KLHL29: variants seen among roughly 807,000 people sequenced by gnomAD.
The protein encoded by KLHL29 is kelch-like protein 29.
KLHL29 carries 21 observed loss-of-function variants against 80.4 expected under a neutral mutation model. The ratio of observed to expected loss-of-function variants is 0.26; its 90% CI spans 0.19 to 0.38. The LOEUF (loss-of-function observed/expected upper bound fraction) is 0.38, where lower values mean the gene tolerates loss of function less well. KLHL29 is among the 10% of genes least tolerant of loss of function. The pLI is 1.00. For missense variants in KLHL29, 867 were observed against 1,223.9 expected (o/e 0.71, Z 4.35); for synonymous variants, 511 against 526.8 (o/e 0.97, Z 0.41).
At chr2:23,428,264 G>A (rs1329759791) in intron 1 of KLHL29, among the ~76,000 whole-genome samples, 1 of 152,336 alleles carries the variant, frequency 6.6e-6, no homozygotes, top group African/African-American at 2.4e-5. Context: ...GAGTCACTCT[G>A]CGGCAAGTGG....
intron 1 of KLHL29, among the ~76,000 whole-genome samples, chr2:23,399,487 A>G (rs1666535511): frequency 6.6e-6 from 1 of 152,214 alleles, no homozygotes; most frequent in African/African-American, 2.4e-5. Context: ...CTAGGAAAAA[A>G]ATGTGTTTTA....
intron 2 of KLHL29, among the ~76,000 whole-genome samples, chr2:23,541,777 A>C (rs934857248): frequency 4.0e-5 from 6 of 151,846 alleles, no homozygotes; most frequent in South Asian, 2.1e-4. Flanking sequence ...AAAAACAAAA[A>C]AAAAAAAACC....
chr2:23,417,553 A>G (rs1472439628), intron 1 of KLHL29, among the ~76,000 whole-genome samples: 1 of 152,196 alleles, frequency 6.6e-6, no homozygotes, highest in East Asian at 1.9e-4. Flanking sequence ...TTCCTGATGG[A>G]GACACTGAAG....
chr2:23,426,416 C>A (rs1018707769), intron 1 of KLHL29, among the ~76,000 whole-genome samples: 7 of 152,216 alleles, frequency 4.6e-5, no homozygotes, highest in African/African-American at 1.2e-4. Context: ...GGAGCAGGAG[C>A]TCCTAGCCCA....
At chr2:23,501,991 G>T (rs1665459991) in intron 2 of KLHL29, among the ~76,000 whole-genome samples, 1 of 152,098 alleles carries the variant, frequency 6.6e-6, no homozygotes, top group African/African-American at 2.4e-5. Flanking sequence ...TCAAACCAAA[G>T]AAAAAAGACT....
intron 3 of KLHL29, among the ~76,000 whole-genome samples, chr2:23,590,573 C>T (rs948187040): frequency 1.3e-5 from 2 of 152,122 alleles, no homozygotes; most frequent in Non-Finnish European, 2.9e-5. Context: ...CCCTGGTTCC[C>T]CTCCAGACCT....
chr2:23,606,189 G>GGGAGA, intron 3 of KLHL29, among the ~76,000 whole-genome samples: 1 of 140,742 alleles, frequency 7.1e-6, no homozygotes, highest in African/African-American at 2.7e-5. Context: ...AGAGAGAGAG[G>GGGAGA]GAGAGAGAGA....
At chr2:23,582,634 G>A (rs1558396914) in intron 3 of KLHL29, among the ~76,000 whole-genome samples, 1 of 152,128 alleles carries the variant, frequency 6.6e-6, no homozygotes, top group Non-Finnish European at 1.5e-5. Context: ...CCCTGTTCTT[G>A]GCTCACCTGT....
chr2:23,469,440 A>G (rs977885525), intron 1 of KLHL29, among the ~76,000 whole-genome samples: 9 of 152,240 alleles, frequency 5.9e-5, no homozygotes, highest in Admixed American at 4.6e-4. Flanking sequence ...GAGAAGATGC[A>G]GGAGCACGCC....
intron 5 of KLHL29, among the ~76,000 whole-genome samples, chr2:23,660,761 C>T (rs547682244): frequency 1.4e-4 from 21 of 152,322 alleles, no homozygotes; most frequent in African/African-American, 5.1e-4. Context: ...CACAGTGGCT[C>T]ACACCTGTAA....
intron 1 of KLHL29, among the ~76,000 whole-genome samples, chr2:23,407,905 T>G (rs1263047327): frequency 6.6e-6 from 1 of 151,970 alleles, no homozygotes; most frequent in Non-Finnish European, 1.5e-5. Context: ...TTTGTTGGGT[T>G]TTTTGTTGTT....
At chr2:23,642,938 T>C (rs2149159044) in intron 5 of KLHL29, 88 bp downstream of exon 5, 1 of 1,455,514 alleles carries the variant, frequency 6.9e-7, no homozygotes, top group Non-Finnish European at 9.4e-7. Flanking sequence ...CAGGGGGTGC[T>C]TCATGCCAGC....
intron 3 of KLHL29, among the ~76,000 whole-genome samples, chr2:23,591,858 T>C (rs1668271418): frequency 6.6e-6 from 1 of 152,168 alleles, no homozygotes; most frequent in Non-Finnish European, 1.5e-5. Context: ...GCGGTGCACA[T>C]TCTCATGCTG....
rs978554559 is a variant in KLHL29 at position 23,571,011 on chromosome 2, C to T, written c.285+8530C>T. ...TCTTCCAGCATTCGGGCCAGCCCTGCGCCATGGCTCTGGTGTCTCTGTGAT... is the reference window on the plus strand; with the variant it reads ...TCTTCCAGCATTCGGGCCAGCCCTGTGCCATGGCTCTGGTGTCTCTGTGAT... On this transcript the variant is annotated intron_variant, in intron 3 of 13. Transcript: ENST00000486442. Among the ~76,000 whole-genome samples the T allele has an allele frequency of 1.4e-4, 22 of 152,356 alleles. 1 individual carries two copies. The highest frequency in any genetic ancestry group is 5.9e-4 in the Admixed American group (9 of 15,312).
At chr2:23,439,571 C>T (rs992144712) in intron 1 of KLHL29, among the ~76,000 whole-genome samples, 1 of 152,026 alleles carries the variant, frequency 6.6e-6, no homozygotes, top group Non-Finnish European at 1.5e-5. Context: ...GTTATGTACC[C>T]AGTAGTCATT....
rs1220973188 is a variant in KLHL29 at position 23,697,596 on chromosome 2, C to T, written c.2105+1083C>T. 3 of 152,358 alleles carry T rather than the reference C, an allele frequency of 2.0e-5. 1 individual carries two copies. The South Asian group carries it at 6.2e-4, about 32-fold the overall frequency. The allele number at this position is 152,358 out of a possible 1,614,324, so 9.4% of individuals were successfully genotyped here. ...CCTTGGTGGCTAATTGGACACTTGA[C>T]AAATGTTACAGCAAAGACGGTTGCA... is the stretch of plus-strand genomic sequence containing the variant. On this transcript the variant is annotated intron_variant, in intron 11 of 13. Coordinates refer to ENST00000486442, the MANE Select transcript of KLHL29 (RefSeq NM_052920.2).
Position 23,642,942 on chromosome 2 carries a change from T to C in KLHL29, c.940+92T>C, listed in dbSNP as rs183896801. The C allele has an allele frequency of 9.6e-4, 1,366 of 1,428,840 alleles. 6 individuals are homozygous for C. The highest frequency in any genetic ancestry group is 8.2e-4 in the Non-Finnish European group (853 of 1,036,362). 88.5% of individuals were successfully genotyped at this position (1,428,840 alleles called of 1,614,324 possible). A position where few individuals can be genotyped will look rare whatever the true frequency, so the allele number is the denominator to read the frequency against. ...CACCACCGGGACAGGGGGTGCTTCATGCCAGCTCCTTCACTGGCCTCCCCA... is the reference window on the plus strand; with the variant it reads ...CACCACCGGGACAGGGGGTGCTTCACGCCAGCTCCTTCACTGGCCTCCCCA... On this transcript the variant is annotated intron_variant, in intron 5 of 13. Coordinates refer to ENST00000486442, the MANE Select transcript of KLHL29 (RefSeq NM_052920.2).
At chr2:23,389,699 A>C (rs1352878898) in intron 1 of KLHL29, among the ~76,000 whole-genome samples, 1 of 150,434 alleles carries the variant, frequency 6.6e-6, no homozygotes, top group Non-Finnish European at 1.5e-5. Flanking sequence ...GAAAAAAAAA[A>C]GGGGGGGGCG....
At chr2:23,507,101 G>A (rs1350759650) in intron 2 of KLHL29, 3 of 450,642 alleles carry the variant, frequency 6.7e-6, no homozygotes, top group African/African-American at 6.0e-5. Context: ...ATTTCCTCAG[G>A]CTCAACATCG....
Sources: allele counts gnomAD v4.1 joint callset (sites outside exome capture counted in the v4.1 genomes callset), GRCh38; gene constraint gnomAD v4.1.1; transcripts MANE v1.5; gene names NCBI Gene and HGNC (gene_info 2026-07-23, HGNC 2026-07-21).